PRICKLE2: variants seen among roughly 807,000 people sequenced by gnomAD.
PRICKLE2 encodes prickle-like protein 2.
PRICKLE2 carries 21 observed loss-of-function variants against 81.4 expected under a neutral mutation model. That is an observed-to-expected ratio of 0.26 (90% confidence interval 0.18 to 0.37). The LOEUF (loss-of-function observed/expected upper bound fraction) is 0.37. PRICKLE2 is among the 10% of genes least tolerant of loss of function. The pLI, the probability that PRICKLE2 is intolerant of heterozygous loss-of-function variation, is 1.00. For missense variants in PRICKLE2, 940 were observed against 1,109.0 expected, an observed-to-expected ratio of 0.85 and a Z score of 2.16; for synonymous variants, 456 against 421.5, an observed-to-expected ratio of 1.08 and a Z score of -1.00.
rs1248365982 is a variant in PRICKLE2, at chr3:64,147,947, T to C, written c.788-245A>G. On this transcript the variant is annotated intron_variant, in intron 6 of 7. Coordinates refer to ENST00000638394, the MANE Select transcript of PRICKLE2 (RefSeq NM_198859.4). This position sits in a 1 kb window ranked among gnomAD's most constrained non-coding sequence, Gnocchi z 5.0. ...AAAGACTCTAGGTTAAAATGGCTTG[T>C]CTATGAATCCTTCTGCCTGGGACAC... Among the ~76,000 whole-genome samples the C allele has an allele frequency of 6.6e-6, 1 of 152,214 alleles. No individual in the cohort carries two copies. Among genetic ancestry groups the C allele is most frequent in the African/African-American group, 2.4e-5 (1 of 41,450 alleles).
At chr3:64,205,871 T>C (rs2107128063) in intron 1 of PRICKLE2, among the ~76,000 whole-genome samples, 1 of 152,230 alleles carries the variant, frequency 6.6e-6, no homozygotes, top group Admixed American at 6.5e-5. Flanking sequence ...CTCAACCTCC[T>C]CCCCAAACTC....
chr3:64,226,854 A>G (rs567684262), upstream of PRICKLE2, among the ~76,000 whole-genome samples: 1 of 152,300 alleles, frequency 6.6e-6, no homozygotes, highest in Non-Finnish European at 1.5e-5. Flanking sequence ...AAGCACTGTG[A>G]GTGAAAGTAA....
In PRICKLE2 at chr3:64,250,865, A is replaced by C. The variant is rs75012119; in HGVS notation, c.129-51898T>G. ...ATAGGTGCTGGTCCCTCTGCCAGAGATACTCCCCCAATAACCAGCACACCT... is the reference window on the plus strand; with the variant it reads ...ATAGGTGCTGGTCCCTCTGCCAGAGCTACTCCCCCAATAACCAGCACACCT... On this transcript the variant is annotated intron_variant, in intron 2 of 8. Coordinates refer to the PRICKLE2 transcript ENST00000295902. Among the ~76,000 whole-genome samples the C allele has an allele frequency of 1.6e-3, 250 of 152,206 alleles. 2 individuals carry two copies. The highest frequency in any genetic ancestry group is 0.014 in the East Asian group (73 of 5,174).
At chr3:64,105,073 T>G (rs2076733691) in intron 7 of PRICKLE2, among the ~76,000 whole-genome samples, 1 of 152,182 alleles carries the variant, frequency 6.6e-6, no homozygotes, top group Non-Finnish European at 1.5e-5. Context: ...CAGCTGTGCT[T>G]ACATTCCTCC....
chr3:64,210,184 C>T (rs1334323596), intron 1 of PRICKLE2, among the ~76,000 whole-genome samples: 4 of 152,062 alleles, frequency 2.6e-5, no homozygotes, highest in East Asian at 1.9e-4. Flanking sequence ...CTCCCTAACC[C>T]GTTTCTCCTT....
chr3:64,228,536 G>GT (rs55638435), upstream of PRICKLE2, among the ~76,000 whole-genome samples: 38,846 of 148,122 alleles, frequency 0.26, 5,277 homozygotes, highest in African/African-American at 0.29. Context: ...CTAATGAGGT[G>GT]TTTTTTTTTT....
chr3:64,265,714 C>T (rs704416), intron 2 of PRICKLE2, among the ~76,000 whole-genome samples: 132,132 of 152,182 alleles, frequency 0.87, 57,770 homozygotes, highest in African/African-American at 0.91. Context: ...CAAACAGCTC[C>T]ACAAAGACCA....
intron 7 of PRICKLE2, among the ~76,000 whole-genome samples, chr3:64,134,234 G>A (rs1015018319): frequency 6.6e-6 from 1 of 152,150 alleles, no homozygotes; most frequent in Non-Finnish European, 1.5e-5. Context: ...CAGGTCAACT[G>A]GGCCCTTAAA....
chr3:64,142,635 A>C (rs1300959785), intron 7 of PRICKLE2, among the ~76,000 whole-genome samples: 1 of 152,136 alleles, frequency 6.6e-6, no homozygotes, highest in Non-Finnish European at 1.5e-5. Flanking sequence ...TTCAAATCTA[A>C]AATGCAAACC....
intron 7 of PRICKLE2, among the ~76,000 whole-genome samples, chr3:64,118,469 A>G (rs1303983590): frequency 2.6e-5 from 4 of 152,068 alleles, no homozygotes; most frequent in African/African-American, 9.7e-5. Flanking sequence ...CTAATATCCA[A>G]CATCTATAAG....
intron 2 of PRICKLE2, chr3:64,182,733 C>T (rs1382543255): frequency 1.3e-5 from 2 of 152,032 alleles, no homozygotes; most frequent in African/African-American, 2.4e-5. Flanking sequence ...TATAGCAGCA[C>T]AAAACAGACT....
At chr3:64,175,077 G>C (rs2078000176) in intron 2 of PRICKLE2, 1 of 157,478 alleles carries the variant, frequency 6.4e-6, no homozygotes. Flanking sequence ...CCAGCAAACT[G>C]GACACTAGAG....
chr3:64,199,171 G>C, intron 1 of PRICKLE2: 2 of 614,402 alleles, frequency 3.3e-6, no homozygotes, highest in Non-Finnish European at 5.8e-6. Context: ...CAGCATGAAA[G>C]GTCAGAGGCC....
chr3:64,162,501 C>CA (rs1250125802), intron 3 of PRICKLE2, among the ~76,000 whole-genome samples: 2 of 152,304 alleles, frequency 1.3e-5, no homozygotes, highest in East Asian at 3.9e-4. Context: ...CTCAGCAAGT[C>CA]AGACTTCACC....
intron 3 of PRICKLE2, 79 bp from the exon 4 acceptor site, chr3:64,160,156 C>A: frequency 6.8e-7 from 1 of 1,478,298 alleles, no homozygotes; most frequent in South Asian, 1.1e-5. Context: ...TCTGAGTTTT[C>A]TCGTTAAATA....
At chr3:64,211,599 G>T (rs944710118) in intron 1 of PRICKLE2, among the ~76,000 whole-genome samples, 4 of 152,166 alleles carry the variant, frequency 2.6e-5, no homozygotes, top group African/African-American at 9.7e-5. Flanking sequence ...CACAAATGTG[G>T]CAAAATATTA....
intron 7 of PRICKLE2, among the ~76,000 whole-genome samples, chr3:64,125,214 T>A (rs181918111): frequency 6.6e-6 from 1 of 152,136 alleles, no homozygotes; most frequent in Admixed American, 6.5e-5. Flanking sequence ...CTTGAATGGA[T>A]GAATTGTTGC....
intron 2 of PRICKLE2, among the ~76,000 whole-genome samples, chr3:64,234,892 C>T (rs553586853): frequency 1.3e-5 from 2 of 152,212 alleles, no homozygotes; most frequent in African/African-American, 4.8e-5. Context: ...ACTTTGGCTT[C>T]CTGGATGTGT....
intron 1 of PRICKLE2, 91 bp downstream of exon 1, chr3:64,224,819 C>T (rs2079008395): frequency 1.4e-6 from 1 of 729,112 alleles, no homozygotes; most frequent in African/African-American, 1.9e-5. Flanking sequence ...ATATCCTCCC[C>T]CAGTGCAAAG....
Sources: allele counts gnomAD v4.1 joint callset (sites outside exome capture counted in the v4.1 genomes callset), GRCh38; gene constraint gnomAD v4.1.1; non-coding constraint Gnocchi (gnomAD v3.1); transcripts MANE v1.5; gene names NCBI Gene and HGNC (gene_info 2026-07-23, HGNC 2026-07-21).